The following NXPE2 variants were observed in gnomAD, a reference collection of about 807,000 sequenced individuals.
NXPE2 encodes the protein neurexophilin and PC-esterase domain family member 2, also known as NXPE family member 2.
A neutral mutation model predicts 34.4 loss-of-function variants in NXPE2; 34 were observed. The ratio of observed to expected loss-of-function variants is 0.99; its 90% CI spans 0.75 to 1.31. The LOEUF (loss-of-function observed/expected upper bound fraction) is 1.31, where lower values mean the gene tolerates loss of function less well. NXPE2 is among the 40% of genes most tolerant of loss of function. The probability of loss-of-function intolerance (pLI) is 0.00; values close to 1 mark genes in which losing one functional copy is unlikely to be tolerated. For synonymous variants in NXPE2, 235 were observed against 231.3 expected (o/e 1.02, Z -0.15); for missense variants, 649 against 672.5 (o/e 0.97, Z 0.39).
At chr11:114,796,895 T>A in the NXPE2 span, among the ~76,000 whole-genome samples, 3,344 of 152,234 alleles carry the variant, frequency 0.022, 125 homozygotes, top group African/African-American at 0.076. Context: ...GGAGTTAAAG[T>A]TTTCCAGGCA....
chr11:114,559,143 C>A, the NXPE2 span, among the ~76,000 whole-genome samples: 2 of 152,154 alleles, frequency 1.3e-5, no homozygotes, highest in Non-Finnish European at 2.9e-5. Flanking sequence ...CATGGATACA[C>A]ACATACTCAA....
chr11:114,795,711 AATT>A, the NXPE2 span, among the ~76,000 whole-genome samples: 3 of 152,168 alleles, frequency 2.0e-5, no homozygotes, highest in South Asian at 2.1e-4. Flanking sequence ...CTTGCTGGCA[AATT>A]GTTCTATCTA....
At chr11:114,468,800 C>T in the NXPE2 span, among the ~76,000 whole-genome samples, 7 of 152,250 alleles carry the variant, frequency 4.6e-5, no homozygotes, top group African/African-American at 1.7e-4. Flanking sequence ...GAAAGCTGCT[C>T]ATTTTTCAGG....
the NXPE2 span, among the ~76,000 whole-genome samples, chr11:114,606,392 A>G: frequency 2.6e-5 from 4 of 151,826 alleles, no homozygotes; most frequent in African/African-American, 9.7e-5. Context: ...CTCATGGGTA[A>G]CCACTGTTAC....
chr11:114,710,954 A>G (rs1484788054), downstream of NXPE2, among the ~76,000 whole-genome samples: 3 of 152,214 alleles, frequency 2.0e-5, no homozygotes, highest in African/African-American at 4.8e-5. Context: ...AAATCAGTCA[A>G]TGTAATGTGC....
chr11:114,675,108 G>A (rs1166273239), upstream of NXPE2, among the ~76,000 whole-genome samples: 1 of 151,564 alleles, frequency 6.6e-6, no homozygotes, highest in Non-Finnish European at 1.5e-5. Flanking sequence ...GTCTTTTCAT[G>A]AGAAAAAAAC....
At chr11:114,554,286 A>T in the NXPE2 span, 4 of 975,034 alleles carry the variant, frequency 4.1e-6, no homozygotes, top group Admixed American at 1.2e-4. Context: ...GTTCTCTGAT[A>T]TGTAAGCAGA....
At chr11:114,474,784 T>C in the NXPE2 span, among the ~76,000 whole-genome samples, 3 of 152,180 alleles carry the variant, frequency 2.0e-5, no homozygotes, top group African/African-American at 7.2e-5. Flanking sequence ...CCGTTTCAGG[T>C]ACTTGTATTT....
chr11:114,689,355 A>T (rs1013478970), intron 2 of NXPE2, among the ~76,000 whole-genome samples: 2 of 152,028 alleles, frequency 1.3e-5, no homozygotes, highest in African/African-American at 2.4e-5. Context: ...AAAGTTATTC[A>T]GGAGAAAGTT....
the NXPE2 span, among the ~76,000 whole-genome samples, chr11:114,720,585 C>A: frequency 6.6e-6 from 1 of 151,886 alleles, no homozygotes; most frequent in African/African-American, 2.4e-5. Flanking sequence ...GGTGCAAATG[C>A]AGGTGTGCTC....
the NXPE2 span, chr11:114,570,940 A>G: frequency 1.9e-6 from 3 of 1,565,520 alleles, no homozygotes; most frequent in Admixed American, 3.6e-5. Flanking sequence ...TGTGTTATTT[A>G]ACAAATATAG....
the NXPE2 span, among the ~76,000 whole-genome samples, chr11:114,537,435 A>G: frequency 6.6e-6 from 1 of 152,196 alleles, no homozygotes; most frequent in Non-Finnish European, 1.5e-5. Context: ...GGCCAAGAAA[A>G]TGAGGCAGGA....
At chr11:114,735,163 T>C in the NXPE2 span, among the ~76,000 whole-genome samples, 2 of 152,186 alleles carry the variant, frequency 1.3e-5, no homozygotes, top group Non-Finnish European at 2.9e-5. Flanking sequence ...CCTGTGGTGT[T>C]TGCAATTTTT....
the NXPE2 span, chr11:114,570,816 A>G: frequency 1.5e-6 from 1 of 647,652 alleles, no homozygotes; most frequent in Non-Finnish European, 2.6e-6. Context: ...TGGATCAGCC[A>G]TAATGTAGAT....
the NXPE2 span, chr11:114,571,142 G>T: frequency 6.2e-7 from 1 of 1,613,858 alleles, no homozygotes; most frequent in South Asian, 1.1e-5. Flanking sequence ...ACATCTCCCT[G>T]ATGTTTTCTG....
At chr11:114,611,813 A>G in the NXPE2 span, among the ~76,000 whole-genome samples, 1 of 151,990 alleles carries the variant, frequency 6.6e-6, no homozygotes, top group African/African-American at 2.4e-5. Flanking sequence ...TTGGGAAACC[A>G]CTGTTACCCG....
At chr11:114,569,835 C>A in the NXPE2 span, among the ~76,000 whole-genome samples, 1 of 152,102 alleles carries the variant, frequency 6.6e-6, no homozygotes, top group Non-Finnish European at 1.5e-5. Flanking sequence ...CAAAGTGTGA[C>A]CCCTCACCCC....
the NXPE2 span, among the ~76,000 whole-genome samples, chr11:114,790,249 T>C: frequency 1.3e-5 from 2 of 152,322 alleles, no homozygotes; most frequent in Middle Eastern, 6.8e-3. Flanking sequence ...AATAGACACA[T>C]TCTCTTTCCA....
chr11:114,548,470 G>A, the NXPE2 span, among the ~76,000 whole-genome samples: 5 of 152,014 alleles, frequency 3.3e-5, no homozygotes, highest in East Asian at 9.6e-4. Context: ...AATAAAGGCA[G>A]CATTCTTATA....
Sources: allele counts gnomAD v4.1 joint callset (sites outside exome capture counted in the v4.1 genomes callset), GRCh38; gene constraint gnomAD v4.1.1; transcripts MANE v1.5; gene names NCBI Gene and HGNC (gene_info 2026-07-23, HGNC 2026-07-21).